Variants in SLC30A6 observed in about 807,000 individuals in gnomAD.
The protein encoded by SLC30A6 is solute carrier family 30 member 6.
A neutral mutation model predicts 63.0 loss-of-function variants in SLC30A6; 55 were observed. The ratio of observed to expected loss-of-function variants is 0.87; its 90% CI spans 0.70 to 1.09. The LOEUF is 1.09. Ranked by LOEUF, SLC30A6 falls within the 50% of genes least tolerant of loss-of-function variation. SLC30A6 has a pLI of 0.00. For synonymous variants in SLC30A6, 224 were observed against 186.1 expected (o/e 1.20, Z -1.66); for missense variants, 587 against 549.2 (o/e 1.07, Z -0.69).
In SLC30A6 at chr2:32,220,738, G is replaced by T; in HGVS notation, c.*25G>T. The T allele has an allele frequency of 6.3e-7, 1 of 1,580,386 alleles. No individual in the cohort carries two copies. The highest frequency in any genetic ancestry group is 8.6e-7 in the Non-Finnish European group (1 of 1,162,650). On this transcript the variant is annotated 3_prime_UTR_variant, in exon 14 of 14. Transcript: ENST00000282587. Reference sequence around the variant, plus strand: ...ATAGACTCTAACTTATTTTTATAAGGAATATTGACTCCTTGGCTTCCAATT... The same window carrying T: ...ATAGACTCTAACTTATTTTTATAAGTAATATTGACTCCTTGGCTTCCAATT...
At chr2:32,179,733 G>T (rs1682117311) in intron 4 of SLC30A6, among the ~76,000 whole-genome samples, 2 of 152,072 alleles carry the variant, frequency 1.3e-5, no homozygotes, top group Admixed American at 1.3e-4. Flanking sequence ...AAGGGGGAAA[G>T]AATAAGAATA....
intron 5 of SLC30A6, among the ~76,000 whole-genome samples, chr2:32,189,281 C>CTTTTTTTT (rs61221362): frequency 8.7e-6 from 1 of 114,848 alleles, no homozygotes; most frequent in Non-Finnish European, 1.7e-5. Context: ...TTGATACTGT[C>CTTTTTTTT]TTTTTTTTTT....
At chr2:32,217,358 G>A (rs1685798271) in intron 13 of SLC30A6, among the ~76,000 whole-genome samples, 1 of 152,088 alleles carries the variant, frequency 6.6e-6, no homozygotes, top group East Asian at 1.9e-4. Context: ...TGTTGACTTT[G>A]TCAAAGATCA....
Position 32,220,247 on chromosome 2 carries a change from C to T in SLC30A6, c.920C>T (p.Ala307Val). 1 of 1,614,066 alleles carries T rather than the reference C, an allele frequency of 6.2e-7. No individual in the cohort carries two copies. ...GTGCATGTAAGAATTCGACGAGATGCCAATGAACAAATGGTTCTTGCTCAT... is the reference window on the plus strand; with the variant it reads ...GTGCATGTAAGAATTCGACGAGATGTCAATGAACAAATGGTTCTTGCTCAT... ...GSVHVRIRRD[A>V]NEQMVLAHVT... Residue 307 changes from alanine to valine, a missense_variant, in exon 14 of 14, where the codon GCC becomes GTC. By Grantham distance (64) the Ala-to-Val change is moderately conservative (BLOSUM62 0). Transcript: ENST00000282587.
intron 8 of SLC30A6, 129 bp downstream of exon 8, chr2:32,194,112 T>C: frequency 1.7e-6 from 1 of 586,810 alleles, no homozygotes; most frequent in Non-Finnish European, 2.8e-6. Flanking sequence ...CTAGCCCAAA[T>C]GTTCTCAAGT....
chr2:32,181,856 A>C (rs995209342), intron 4 of SLC30A6, among the ~76,000 whole-genome samples: 4 of 151,784 alleles, frequency 2.6e-5, no homozygotes, highest in African/African-American at 7.2e-5. Context: ...CGACAGAGTG[A>C]GACTCCGTCT....
intron 10 of SLC30A6, among the ~76,000 whole-genome samples, chr2:32,200,077 T>TACAC (rs35617136): frequency 8.7e-5 from 13 of 149,204 alleles, no homozygotes; most frequent in African/African-American, 2.5e-4. Context: ...GAGACATATA[T>TACAC]ACACACACAC....
At chr2:32,200,316 T>C (rs1573364941) in intron 10 of SLC30A6, among the ~76,000 whole-genome samples, 1 of 152,080 alleles carries the variant, frequency 6.6e-6, no homozygotes, top group South Asian at 2.1e-4. Flanking sequence ...AGTTTGGAGA[T>C]AATATATTCC....
intron 5 of SLC30A6, among the ~76,000 whole-genome samples, chr2:32,185,193 C>G (rs1194502649): frequency 6.6e-6 from 1 of 152,060 alleles, no homozygotes; most frequent in Non-Finnish European, 1.5e-5. Flanking sequence ...AGATCTGTCG[C>G]TGCAAAAAAT....
At chr2:32,173,934 G>A in intron 2 of SLC30A6, 129 bp from the exon 3 acceptor site, 1 of 590,258 alleles carries the variant, frequency 1.7e-6, no homozygotes. Flanking sequence ...TGTAGAAAGT[G>A]TGACACAGAC....
intron 8 of SLC30A6, 33 bp from the exon 9 acceptor site, chr2:32,197,311 T>C (rs1346886954): frequency 6.3e-7 from 1 of 1,575,112 alleles, no homozygotes; most frequent in Non-Finnish European, 8.6e-7. Context: ...TTTTTTCTTC[T>C]ATATAGATAA....
chr2:32,216,768 G>A (rs1685748246), intron 13 of SLC30A6, among the ~76,000 whole-genome samples: 1 of 151,262 alleles, frequency 6.6e-6, no homozygotes, highest in Non-Finnish European at 1.5e-5. Context: ...TTTTTTGCTT[G>A]TTCAGTTTTT....
intron 5 of SLC30A6, among the ~76,000 whole-genome samples, chr2:32,184,909 G>T (rs1292952375): frequency 6.6e-6 from 1 of 152,132 alleles, no homozygotes; most frequent in Admixed American, 6.5e-5. Flanking sequence ...ATATTTTGGG[G>T]ATTTATTTTA....
At chr2:32,179,216 A>C (rs1682068727) in intron 4 of SLC30A6, among the ~76,000 whole-genome samples, 1 of 152,196 alleles carries the variant, frequency 6.6e-6, no homozygotes, top group Non-Finnish European at 1.5e-5. Context: ...CAGCATCTCG[A>C]GGGCAATTTG....
At chr2:32,181,530 T>C (rs891994034) in intron 4 of SLC30A6, among the ~76,000 whole-genome samples, 1 of 152,214 alleles carries the variant, frequency 6.6e-6, no homozygotes, top group Non-Finnish European at 1.5e-5. Context: ...TAACAAATCT[T>C]ATCTATAGAG....
chr2:32,215,867 A>T (rs1319842734), intron 13 of SLC30A6, among the ~76,000 whole-genome samples: 1 of 150,830 alleles, frequency 6.6e-6, no homozygotes, highest in Non-Finnish European at 1.5e-5. Flanking sequence ...TGGCTAATTT[A>T]TTTTTTATAA....
intron 4 of SLC30A6, among the ~76,000 whole-genome samples, chr2:32,176,948 C>T (rs959714291): frequency 1.3e-5 from 2 of 151,102 alleles, no homozygotes; most frequent in African/African-American, 4.9e-5. Context: ...AATTTTTGTA[C>T]TTTTAGTGGA....
intron 13 of SLC30A6, among the ~76,000 whole-genome samples, chr2:32,212,363 G>C (rs1224805161): frequency 1.3e-5 from 2 of 151,886 alleles, no homozygotes; most frequent in African/African-American, 4.8e-5. Flanking sequence ...TTTATAATCT[G>C]TTTTATAGTC....
intron 10 of SLC30A6, chr2:32,203,394 G>C: frequency 7.0e-6 from 8 of 1,143,566 alleles, no homozygotes; most frequent in Non-Finnish European, 1.1e-5. Flanking sequence ...GATGCCATAA[G>C]GTCTCTGGCT....
Sources: gnomAD v4.1 joint callset for allele counts (sites outside exome capture counted in the v4.1 genomes callset) on GRCh38, gnomAD v4.1.1 for gene constraint, MANE v1.5 for transcripts, NCBI Gene and HGNC (gene_info 2026-07-23, HGNC 2026-07-21) for gene names.